FGGY: variants seen among roughly 807,000 people sequenced by gnomAD.
FGGY encodes FGGY carbohydrate kinase domain-containing protein.
A neutral mutation model predicts 71.3 loss-of-function variants in FGGY; 72 were observed. That is an observed-to-expected ratio of 1.01 (90% CI 0.84 to 1.23). The LOEUF (loss-of-function observed/expected upper bound fraction) is 1.23. Ranked by LOEUF, FGGY falls within the 50% of genes most tolerant of loss-of-function variation. The probability of loss-of-function intolerance (pLI) is 0.00; values close to 1 mark genes in which losing one functional copy is unlikely to be tolerated. For synonymous variants in FGGY, 251 were observed against 250.3 expected (o/e 1.00, Z -0.02); for missense variants, 668 against 682.3 (o/e 0.98, Z 0.23).
intron 2 of FGGY, among the ~76,000 whole-genome samples, chr1:59,335,696 G>T (rs970732838): frequency 5.9e-5 from 9 of 152,072 alleles, no homozygotes; most frequent in Non-Finnish European, 1.3e-4. Flanking sequence ...CAGTCTTTGT[G>T]ATAATATTCT....
chr1:59,310,257 T>C (rs1250451154), intron 1 of FGGY: 1 of 152,198 alleles, frequency 6.6e-6, no homozygotes, highest in Non-Finnish European at 1.5e-5. Flanking sequence ...CTGATGATAA[T>C]AGCATTGCTT....
At chr1:59,401,877 G>T (rs1052648908) in intron 5 of FGGY, among the ~76,000 whole-genome samples, 1 of 152,224 alleles carries the variant, frequency 6.6e-6, no homozygotes, top group African/African-American at 2.4e-5. Flanking sequence ...TTATGGAGAG[G>T]AGGAGGAAGG....
chr1:59,383,822 C>T (rs527555973), intron 5 of FGGY, among the ~76,000 whole-genome samples: 15 of 152,194 alleles, frequency 9.9e-5, no homozygotes, highest in African/African-American at 3.1e-4. Flanking sequence ...CTCACCCATC[C>T]GGATCAAATC....
intron 9 of FGGY, among the ~76,000 whole-genome samples, chr1:59,616,933 A>G (rs1348941541): frequency 6.6e-6 from 1 of 152,122 alleles, no homozygotes; most frequent in Non-Finnish European, 1.5e-5. Flanking sequence ...GAGTCTCCTC[A>G]CCCACCAGTG....
chr1:59,461,977 TC>T (rs979927902), intron 6 of FGGY, among the ~76,000 whole-genome samples: 1 of 125,520 alleles, frequency 8.0e-6, no homozygotes, highest in African/African-American at 2.9e-5. Flanking sequence ...CCCTCCCTCC[TC>T]CCCCCACCCC....
chr1:59,570,757 C>T (rs2095971150), intron 8 of FGGY, among the ~76,000 whole-genome samples: 1 of 152,134 alleles, frequency 6.6e-6, no homozygotes, highest in Admixed American at 6.6e-5. Flanking sequence ...AGCTGAAGTG[C>T]AGTGTTTAAT....
chr1:59,468,598 C>T (rs1020376751), intron 6 of FGGY, among the ~76,000 whole-genome samples: 16 of 152,216 alleles, frequency 1.1e-4, no homozygotes, highest in African/African-American at 1.9e-4. Context: ...CTTGGCTGGG[C>T]GTGGTGGCTC....
rs368077385 is a variant in FGGY at position 59,456,956 on chromosome 1, C to A, written c.555-5C>A. 1.9e-6 allele frequency: 3 copies of A among 1,606,782 alleles called. No individual in the cohort carries two copies. The highest frequency in any genetic ancestry group is 2.6e-6 in the Non-Finnish European group (3 of 1,173,474). On this transcript the variant is annotated splice_region_variant and splice_polypyrimidine_tract_variant and intron_variant, in intron 5 of 15. Transcript: ENST00000303721. ...GTTCTATCTATATCTCTTCTATTTT[C>A]TTAGGTCTCTCTGCTCCCTGGTGTG...
chr1:59,486,564 G>A (rs1203444436), intron 6 of FGGY, among the ~76,000 whole-genome samples: 8 of 152,096 alleles, frequency 5.3e-5, no homozygotes, highest in Non-Finnish European at 7.4e-5. Context: ...GGGCTAACAG[G>A]GCTAGTTCCT....
At chr1:59,399,420 C>T (rs1190873623) in intron 5 of FGGY, among the ~76,000 whole-genome samples, 1 of 152,070 alleles carries the variant, frequency 6.6e-6, no homozygotes, top group Non-Finnish European at 1.5e-5. Flanking sequence ...TATGATTATA[C>T]TCATTTTATA....
At chr1:59,297,797 T>C (rs1274495024) in intron 1 of FGGY, among the ~76,000 whole-genome samples, 11 of 147,496 alleles carry the variant, frequency 7.5e-5, no homozygotes, top group Non-Finnish European at 1.5e-5. Context: ...CACTCCAGCC[T>C]GGGGGACAGA....
chr1:59,521,470 A>G (rs1482154618), intron 7 of FGGY, among the ~76,000 whole-genome samples: 1 of 152,158 alleles, frequency 6.6e-6, no homozygotes, highest in Non-Finnish European at 1.5e-5. Context: ...CCAGCTCCCC[A>G]TGTGTCCCCA....
At chr1:59,642,355 G>A (rs1397546513) in intron 11 of FGGY, among the ~76,000 whole-genome samples, 1 of 152,206 alleles carries the variant, frequency 6.6e-6, no homozygotes, top group Non-Finnish European at 1.5e-5. Flanking sequence ...GGCTGTGTGC[G>A]GTGGCTCACG....
At chr1:59,734,188 G>C (rs1163090767) in intron 14 of FGGY, among the ~76,000 whole-genome samples, 1 of 152,156 alleles carries the variant, frequency 6.6e-6, no homozygotes, top group Non-Finnish European at 1.5e-5. Context: ...TTGGGGAACA[G>C]GTGTTGTATG....
At chr1:59,556,607 G>T (rs2095690351) in intron 8 of FGGY, among the ~76,000 whole-genome samples, 1 of 152,198 alleles carries the variant, frequency 6.6e-6, no homozygotes, top group Admixed American at 6.5e-5. Flanking sequence ...CCAGAGGCAA[G>T]CTTGAACATC....
rs1008241835 is a variant in FGGY at position 59,534,456 on chromosome 1, A to G, written c.800-19668A>G. 9.9e-5 allele frequency among the ~76,000 whole-genome samples: 15 copies of G among 152,152 alleles called. 1 individual carries two copies. Among genetic ancestry groups the G allele is most frequent in the Admixed American group, 6.6e-4 (10 of 15,254 alleles). On this transcript the variant is annotated intron_variant, in intron 7 of 15. Transcript: ENST00000303721. ...CCCCAATCTAGCAAGGCAGGCCAAC[A>G]TTCAGATTCAGGAAATACAGAGAAC...
chr1:59,632,529 G>A (rs919172066), intron 10 of FGGY, among the ~76,000 whole-genome samples: 12 of 151,914 alleles, frequency 7.9e-5, no homozygotes, highest in Non-Finnish European at 1.0e-4. Flanking sequence ...ATCGCGAATC[G>A]CAGATAGATT....
chr1:59,393,044 C>G (rs559872954), intron 5 of FGGY, among the ~76,000 whole-genome samples: 3 of 152,268 alleles, frequency 2.0e-5, no homozygotes, highest in African/African-American at 7.2e-5. Flanking sequence ...GGTTTTGTTA[C>G]ATTTTGAACC....
chr1:59,346,145 A>G, intron 3 of FGGY, 102 bp from the exon 4 acceptor site: 1 of 1,423,790 alleles, frequency 7.0e-7, no homozygotes, highest in Non-Finnish European at 9.6e-7. Flanking sequence ...ATAAAATTAT[A>G]GAAAGTACAT....
Sources: gnomAD v4.1 joint callset for allele counts (sites outside exome capture counted in the v4.1 genomes callset) on GRCh38, gnomAD v4.1.1 for gene constraint, MANE v1.5 for transcripts, NCBI Gene and HGNC (gene_info 2026-07-23, HGNC 2026-07-21) for gene names.